The following WWP2 variants were observed in gnomAD, a reference collection of about 807,000 sequenced individuals.
WWP2 encodes NEDD4-like E3 ubiquitin-protein ligase WWP2.
WWP2 carries 57 observed loss-of-function variants against 121.0 expected under a neutral mutation model. The observed-to-expected ratio is 0.47, with a 90% CI of 0.38 to 0.59. The LOEUF (loss-of-function observed/expected upper bound fraction) is 0.59. Ranked by LOEUF, WWP2 falls within the 20% of genes least tolerant of loss-of-function variation. WWP2 has a pLI of 0.00. For missense variants in WWP2, 962 were observed against 1,158.9 expected, an observed-to-expected ratio of 0.83 and a Z score of 2.47; for synonymous variants, 449 against 441.3, an observed-to-expected ratio of 1.02 and a Z score of -0.22.
At chr16:69,849,081 C>G (rs2057147897) in intron 6 of WWP2, among the ~76,000 whole-genome samples, 1 of 152,224 alleles carries the variant, frequency 6.6e-6, no homozygotes, top group African/African-American at 2.4e-5. Context: ...CTCCGGTGAG[C>G]TCTAAATAGA....
At chr16:69,929,672 A>C in intron 12 of WWP2, 143 bp downstream of exon 12, 1 of 706,798 alleles carries the variant, frequency 1.4e-6, no homozygotes, top group Non-Finnish European at 2.4e-6. Context: ...TGAGACTCTC[A>C]CCGTACAGAT....
chr16:69,892,678 T>G (rs1197245747), intron 8 of WWP2, among the ~76,000 whole-genome samples: 1 of 152,090 alleles, frequency 6.6e-6, no homozygotes, highest in Non-Finnish European at 1.5e-5. Context: ...GGACTACAGG[T>G]GCCTGCCACC....
At chr16:69,890,626 G>A (rs1382133594) in intron 8 of WWP2, among the ~76,000 whole-genome samples, 5 of 152,238 alleles carry the variant, frequency 3.3e-5, no homozygotes, top group East Asian at 3.9e-4. Flanking sequence ...TTTTCTTTCC[G>A]CTGAGCGAAT....
intron 7 of WWP2, among the ~76,000 whole-genome samples, chr16:69,881,603 T>C (rs1366559679): frequency 1.3e-5 from 2 of 152,250 alleles, no homozygotes; most frequent in African/African-American, 2.4e-5. Flanking sequence ...GGAAACTGGG[T>C]GAAGACCATA....
chr16:69,857,784 C>CA (rs1835894210), intron 6 of WWP2, among the ~76,000 whole-genome samples: 1 of 151,368 alleles, frequency 6.6e-6, no homozygotes, highest in South Asian at 2.1e-4. Flanking sequence ...ACCTCAGTCT[C>CA]CCAGGTAGCT....
At chr16:69,849,000 T>A (rs2057145448) in intron 6 of WWP2, among the ~76,000 whole-genome samples, 1 of 152,260 alleles carries the variant, frequency 6.6e-6, no homozygotes, top group African/African-American at 2.4e-5. Flanking sequence ...ATTGGCTCCC[T>A]TGCCTTGGCA....
At chr16:69,887,949 C>A in intron 7 of WWP2, 90 bp from the exon 8 acceptor site, 2 of 1,440,724 alleles carry the variant, frequency 1.4e-6, no homozygotes, top group Admixed American at 1.8e-5. Context: ...TTGTAGATAC[C>A]ATGTTAGCCT....
rs2058787431 is a variant in WWP2, at chr16:69,935,728, G to C, written c.1843-125G>C. 1 of 1,408,254 alleles carries C rather than the reference G, an allele frequency of 7.1e-7. No individual in the cohort carries two copies. The highest frequency in any genetic ancestry group is 2.2e-5 in the Admixed American group (1 of 45,230). The allele number at this position is 1,408,254 out of a possible 1,614,324, so 87.2% of individuals were successfully genotyped here. On this transcript the variant is annotated intron_variant, in intron 17 of 23. Coordinates refer to ENST00000359154, the MANE Select transcript of WWP2 (RefSeq NM_001270454.2). The surrounding 1 kb of genome is among the most constrained non-coding windows in gnomAD (Gnocchi z 5.2). ...TCCCGCTGCGTCCGAGGCAGCTGCTGCTGTAGTTCTGTCAGGGAAGGAAGG... is the reference window on the plus strand; with the variant it reads ...TCCCGCTGCGTCCGAGGCAGCTGCTCCTGTAGTTCTGTCAGGGAAGGAAGG...
At chr16:69,863,016 C>T (rs1189758531) in intron 6 of WWP2, among the ~76,000 whole-genome samples, 1 of 152,072 alleles carries the variant, frequency 6.6e-6, no homozygotes, top group Non-Finnish European at 1.5e-5. Context: ...TGTGAGCCGC[C>T]ACCCCCGGCC....
chr16:69,794,313 C>T (rs933002912), intron 2 of WWP2, among the ~76,000 whole-genome samples: 1 of 152,126 alleles, frequency 6.6e-6, no homozygotes, highest in Non-Finnish European at 1.5e-5. Flanking sequence ...TGACTTTGAG[C>T]TCAGGCTTAA....
At chr16:69,869,587 G>GT (rs1482350069) in intron 6 of WWP2, among the ~76,000 whole-genome samples, 6 of 151,648 alleles carry the variant, frequency 4.0e-5, no homozygotes, top group Non-Finnish European at 8.8e-5. Context: ...CTCAAGTGCC[G>GT]TCCCATCTCA....
intron 2 of WWP2, among the ~76,000 whole-genome samples, chr16:69,789,475 G>A (rs1249388476): frequency 6.6e-6 from 1 of 152,088 alleles, no homozygotes; most frequent in Non-Finnish European, 1.5e-5. Context: ...TGATCTCCCC[G>A]CCTCGGCCTC....
At chr16:69,765,012 T>C (rs2038697063) in intron 1 of WWP2, among the ~76,000 whole-genome samples, 1 of 152,154 alleles carries the variant, frequency 6.6e-6, no homozygotes, top group Admixed American at 6.6e-5. Flanking sequence ...GGGACCAGCC[T>C]GGGCAACATG....
intron 8 of WWP2, among the ~76,000 whole-genome samples, chr16:69,907,826 T>C (rs1207238871): frequency 1.3e-5 from 2 of 152,244 alleles, no homozygotes; most frequent in Non-Finnish European, 2.9e-5. Flanking sequence ...AATAACCATA[T>C]GTTGTGTTTC....
At chr16:69,840,423 G>GT (rs2056956943) in intron 5 of WWP2, among the ~76,000 whole-genome samples, 160 bp downstream of exon 5, 1 of 152,216 alleles carries the variant, frequency 6.6e-6, no homozygotes, top group Non-Finnish European at 1.5e-5. Flanking sequence ...CCGTGGATCA[G>GT]TATCACAACA....
At chr16:69,842,583 G>T (rs2056999802) in intron 6 of WWP2, among the ~76,000 whole-genome samples, 1 of 152,092 alleles carries the variant, frequency 6.6e-6, no homozygotes, top group Non-Finnish European at 1.5e-5. Flanking sequence ...TATGGTATTT[G>T]GTTTTCTGTT....
intron 1 of WWP2, among the ~76,000 whole-genome samples, chr16:69,764,644 A>G (rs1044311418): frequency 6.6e-6 from 1 of 152,208 alleles, no homozygotes; most frequent in Non-Finnish European, 1.5e-5. Context: ...CTGGGAAAAC[A>G]TTCTTTCATT....
At chr16:69,821,723 ACTT>A (rs1361713537) in intron 4 of WWP2, among the ~76,000 whole-genome samples, 20 of 117,208 alleles carry the variant, frequency 1.7e-4, no homozygotes, top group African/African-American at 5.5e-4. Context: ...TTTCTTTCTT[ACTT>A]TTTTTTTTTT....
intron 8 of WWP2, among the ~76,000 whole-genome samples, chr16:69,905,290 T>C (rs998287451): frequency 6.6e-6 from 1 of 152,218 alleles, no homozygotes; most frequent in African/African-American, 2.4e-5. Flanking sequence ...AGTTGTCCGC[T>C]TTGGGGGGTG....
Sources: allele counts gnomAD v4.1 joint callset (sites outside exome capture counted in the v4.1 genomes callset), GRCh38; gene constraint gnomAD v4.1.1; non-coding constraint Gnocchi (gnomAD v3.1); transcripts MANE v1.5; gene names NCBI Gene and HGNC (gene_info 2026-07-23, HGNC 2026-07-21).